Variants in GNA12 observed in about 807,000 individuals in gnomAD.
GNA12 encodes the protein guanine nucleotide-binding protein subunit alpha-12.
A neutral mutation model predicts 26.0 loss-of-function variants in GNA12; 9 were observed. The observed-to-expected ratio is 0.35, with a 90% CI of 0.21 to 0.60. GNA12 has a LOEUF of 0.60. Ranked by LOEUF, GNA12 falls within the 20% of genes least tolerant of loss-of-function variation. GNA12 has a pLI of 0.78. For synonymous variants in GNA12, 264 were observed against 219.6 expected, an observed-to-expected ratio of 1.20 and a Z score of -1.79; for missense variants, 405 against 525.8, an observed-to-expected ratio of 0.77 and a Z score of 2.25.
rs147462136 is a variant in GNA12, at chr7:2,792,147, G to C, written c.525+2781C>G. 2.3e-3 allele frequency among the ~76,000 whole-genome samples: 353 copies of C among 152,332 alleles called. 2 individuals are homozygous for C. The highest frequency in any genetic ancestry group is 1.9e-3 in the Non-Finnish European group (132 of 68,032). ...CTAGATTAAAAGCTCACTCGCTGGA[G>C]ACAGGCTCATGTTTGGTCTTCTTCA... On this transcript the variant is annotated intron_variant, in intron 2 of 3. Transcript: ENST00000275364.
chr7:2,838,870 C>T (rs1425147595), intron 1 of GNA12, among the ~76,000 whole-genome samples: 1 of 152,114 alleles, frequency 6.6e-6, no homozygotes, highest in African/African-American at 2.4e-5. Flanking sequence ...ATGCACCACA[C>T]AACAGAACCT....
intron 1 of GNA12, among the ~76,000 whole-genome samples, chr7:2,834,906 C>T (rs1182177): frequency 0.24 from 35,803 of 152,050 alleles, 5,006 homozygotes; most frequent in Non-Finnish European, 0.3. Flanking sequence ...CCTCACCTAA[C>T]GATGCATTTC....
At chr7:2,790,197 G>A (rs534433375) in intron 2 of GNA12, among the ~76,000 whole-genome samples, 3 of 152,236 alleles carry the variant, frequency 2.0e-5, no homozygotes, top group East Asian at 1.9e-4. Context: ...TCCTCCTGCC[G>A]GATAGAATTG....
At chr7:2,840,729 A>T (rs960985540) in intron 1 of GNA12, among the ~76,000 whole-genome samples, 4 of 152,192 alleles carry the variant, frequency 2.6e-5, no homozygotes, top group South Asian at 2.1e-4. Context: ...ACACACCTAC[A>T]GTCCCAGCTA....
At chr7:2,810,970 C>T (rs2251718) in intron 1 of GNA12, among the ~76,000 whole-genome samples, 86,972 of 151,640 alleles carry the variant, frequency 0.57, 25,268 homozygotes, top group Non-Finnish European at 0.63. Context: ...GGCCCTGGAG[C>T]GCTCTCATTC....
At chr7:2,839,886 C>T (rs1188545575) in intron 1 of GNA12, among the ~76,000 whole-genome samples, 1 of 152,080 alleles carries the variant, frequency 6.6e-6, no homozygotes, top group Non-Finnish European at 1.5e-5. Context: ...GTAATCCCAG[C>T]TACCTGGGAG....
chr7:2,766,239 A>G (rs2115413431), intron 2 of GNA12, among the ~76,000 whole-genome samples: 1 of 152,236 alleles, frequency 6.6e-6, no homozygotes, highest in Admixed American at 6.5e-5. Context: ...TATTTCACTT[A>G]GCATAATATC....
intron 2 of GNA12, among the ~76,000 whole-genome samples, chr7:2,779,771 T>C (rs1280418593): frequency 2.0e-5 from 3 of 151,842 alleles, no homozygotes; most frequent in Non-Finnish European, 2.9e-5. Flanking sequence ...ATAATTTTTG[T>C]ATTTTTAGTA....
chr7:2,791,407 C>T (rs998997132), intron 2 of GNA12, among the ~76,000 whole-genome samples: 8 of 152,196 alleles, frequency 5.3e-5, no homozygotes, highest in Non-Finnish European at 8.8e-5. Flanking sequence ...AGATTTCCAT[C>T]CCCCACCCCG....
chr7:2,731,424 C>G lies in GNA12; in HGVS notation c.903G>C (p.Leu301=). 3 of 1,613,388 alleles carry G rather than the reference C, an allele frequency of 1.9e-6. No homozygotes were observed. The Admixed American group carries it at 5.0e-5, about 27-fold the overall frequency. The part of the protein sequence containing the change: ...IILFLNKMDL[L]VEKVKTVSIK... The stretch of plus-strand genomic sequence containing the variant: ...TGCTCACGGTCTTCACCTTCTCCAC[C>G]AGGAGGTCCATCTTGTTGAGGAAGA... The change falls in exon 4 of 4, where the codon CTG becomes CTC. Residue 301 remains leucine (L), a synonymous_variant. Coordinates refer to ENST00000275364, the MANE Select transcript of GNA12 (RefSeq NM_007353.3). The surrounding 1 kb of genome is among the most constrained non-coding windows in gnomAD (Gnocchi z 6.0).
chr7:2,745,708 A>G (rs1318611070), intron 2 of GNA12, among the ~76,000 whole-genome samples: 1 of 152,244 alleles, frequency 6.6e-6, no homozygotes, highest in Non-Finnish European at 1.5e-5. Context: ...TGCTCCAATT[A>G]AAAGACACAG....
At chr7:2,738,944 T>G (rs1202328047) in intron 2 of GNA12, among the ~76,000 whole-genome samples, 3 of 152,092 alleles carry the variant, frequency 2.0e-5, no homozygotes, top group African/African-American at 4.8e-5. Context: ...GCTGTGCCTG[T>G]GGACACCTCG....
At position 2,809,875 on chromosome 7, in the gene GNA12, A is replaced by G. The variant is rs959265831; in HGVS notation, c.310-14732T>C. Among the ~76,000 whole-genome samples, 5 of 152,260 alleles carry G rather than the reference A, an allele frequency of 3.3e-5. No homozygotes were observed. The East Asian group carries it at 9.6e-4, about 29-fold the overall frequency. On this transcript the variant is annotated intron_variant, in intron 1 of 3. Coordinates refer to ENST00000275364, the MANE Select transcript of GNA12 (RefSeq NM_007353.3). The stretch of plus-strand genomic sequence containing the variant: ...GTAAGTATTGTTAGTAATAAATATT[A>G]CTTTGTAATAAATTCTATGTAAATA...
chr7:2,740,203 C>G (rs185799766), intron 2 of GNA12, among the ~76,000 whole-genome samples: 1 of 152,232 alleles, frequency 6.6e-6, no homozygotes, highest in East Asian at 1.9e-4. Flanking sequence ...GTGATCTTTT[C>G]TAGGTGGTTC....
chr7:2,744,045 C>G (rs1790642828), intron 2 of GNA12, among the ~76,000 whole-genome samples: 1 of 152,226 alleles, frequency 6.6e-6, no homozygotes. Context: ...GTGGAGCCCA[C>G]CACAGCTCAA....
intron 2 of GNA12, among the ~76,000 whole-genome samples, chr7:2,792,842 T>C (rs1445443245): frequency 6.6e-6 from 1 of 152,244 alleles, no homozygotes; most frequent in Non-Finnish European, 1.5e-5. Context: ...CATTAACATT[T>C]ACAGGCAAAA....
chr7:2,799,301 C>T (rs1251545576), intron 1 of GNA12, among the ~76,000 whole-genome samples: 1 of 152,192 alleles, frequency 6.6e-6, no homozygotes, highest in Non-Finnish European at 1.5e-5. Flanking sequence ...ACAGTTAGGC[C>T]AGGCACAGTA....
chr7:2,829,550 C>A (rs1793556072), intron 1 of GNA12, among the ~76,000 whole-genome samples: 1 of 152,188 alleles, frequency 6.6e-6, no homozygotes, highest in East Asian at 1.9e-4. Context: ...TTTCCCTGTG[C>A]ATCTCATGTT....
In GNA12 at chr7:2,768,304, A is replaced by G. The variant is rs114994062; in HGVS notation, c.525+26624T>C. ...TTTAAATACAGCAAATGTAGTGACT[A>G]AGGAATTGCTAATTCAAACCTGGAT... On this transcript the variant is annotated intron_variant, in intron 2 of 3. Transcript: ENST00000275364. Among the ~76,000 whole-genome samples, 624 of 152,356 alleles carry G rather than the reference A, an allele frequency of 4.1e-3. 5 individuals carry two copies. The highest frequency in any genetic ancestry group is 0.014 in the African/African-American group (593 of 41,582).
Sources: gnomAD v4.1 joint callset for allele counts (sites outside exome capture counted in the v4.1 genomes callset) on GRCh38, gnomAD v4.1.1 for gene constraint, Gnocchi (gnomAD v3.1) non-coding constraint, MANE v1.5 for transcripts, NCBI Gene and HGNC (gene_info 2026-07-23, HGNC 2026-07-21) for gene names.